ADGRV1: variants seen among roughly 807,000 people sequenced by gnomAD.
The protein encoded by ADGRV1 is G-protein coupled receptor 98.
A neutral mutation model predicts 596.2 loss-of-function variants in ADGRV1; 359 were observed. The observed-to-expected ratio is 0.60, with a 90% confidence interval of 0.55 to 0.66. ADGRV1 has a LOEUF of 0.66. Ranked by LOEUF, ADGRV1 falls within the 30% of genes least tolerant of loss-of-function variation. The pLI is 0.00. For missense variants in ADGRV1, 7,274 were observed against 7,575.6 expected, an observed-to-expected ratio of 0.96 and a Z score of 1.48; for synonymous variants, 2,681 against 2,679.2, an observed-to-expected ratio of 1.00 and a Z score of -0.02.
intron 89 of ADGRV1, among the ~76,000 whole-genome samples, chr5:91,157,040 G>A (rs771998684): frequency 9.9e-5 from 15 of 152,202 alleles, no homozygotes; most frequent in Admixed American, 3.9e-4. Context: ...AGTAATAGCA[G>A]CCCCTTTGGA....
chr5:90,805,235 A>G, intron 71 of ADGRV1, 49 bp from the exon 72 acceptor site: 3 of 1,527,852 alleles, frequency 2.0e-6, no homozygotes, highest in Non-Finnish European at 2.7e-6. Flanking sequence ...CTCAGAAAAC[A>G]GGAAGGTTTA....
intron 83 of ADGRV1, among the ~76,000 whole-genome samples, chr5:90,959,364 G>A (rs73185169): frequency 0.16 from 24,845 of 151,726 alleles, 2,334 homozygotes; most frequent in Non-Finnish European, 0.21. Flanking sequence ...AATAAATGGA[G>A]AAAGACACTG....
intron 79 of ADGRV1, chr5:90,850,923 T>G (rs1375309885): frequency 6.6e-6 from 1 of 152,158 alleles, no homozygotes; most frequent in African/African-American, 2.4e-5. Context: ...GGGAGTAGAA[T>G]GAGTAAATGA....
intron 83 of ADGRV1, among the ~76,000 whole-genome samples, chr5:90,950,923 CAAT>C (rs1777009444): frequency 1.1e-5 from 1 of 91,796 alleles, no homozygotes; most frequent in Non-Finnish European, 3.0e-5. Flanking sequence ...ATTAAAAAAA[CAAT>C]GATGAATATT....
chr5:90,840,220 T>A (rs1456649717), intron 77 of ADGRV1, among the ~76,000 whole-genome samples: 1 of 152,174 alleles, frequency 6.6e-6, no homozygotes, highest in Non-Finnish European at 1.5e-5. Flanking sequence ...AGTGAAAATA[T>A]AAATATTCCT....
intron 85 of ADGRV1, among the ~76,000 whole-genome samples, chr5:91,033,869 C>T (rs764549018): frequency 6.6e-6 from 1 of 152,144 alleles, no homozygotes; most frequent in Admixed American, 6.5e-5. Flanking sequence ...ACCATATTGA[C>T]TTGAAGTTCA....
intron 45 of ADGRV1, among the ~76,000 whole-genome samples, chr5:90,723,545 C>T (rs1580878508): frequency 1.3e-5 from 2 of 152,084 alleles, no homozygotes; most frequent in African/African-American, 4.8e-5. Flanking sequence ...CATTTGTGGT[C>T]GTCTTGAATT....
At chr5:90,845,296 A>T (rs1765771530) in intron 78 of ADGRV1, among the ~76,000 whole-genome samples, 1 of 152,216 alleles carries the variant, frequency 6.6e-6, no homozygotes, top group Non-Finnish European at 1.5e-5. Context: ...CCTTCCTCAC[A>T]GGTTGTTGTG....
chr5:90,720,363 C>G, intron 44 of ADGRV1, 140 bp downstream of exon 44: 1 of 519,690 alleles, frequency 1.9e-6, no homozygotes, highest in East Asian at 3.2e-5. Context: ...AAAGATAGGT[C>G]TAGAGAGACC....
At chr5:90,996,457 G>T (rs1781426280) in intron 85 of ADGRV1, among the ~76,000 whole-genome samples, 1 of 152,172 alleles carries the variant, frequency 6.6e-6, no homozygotes, top group African/African-American at 2.4e-5. Flanking sequence ...GTTGAAGCCT[G>T]GGAGACTCCA....
rs368986672 is a variant in ADGRV1 at position 90,919,039 on chromosome 5, A to G, written c.17857-46376A>G. On this transcript the variant is annotated intron_variant, in intron 83 of 89. Coordinates refer to ENST00000405460, the MANE Select transcript of ADGRV1 (RefSeq NM_032119.4). ...TGTTTTAATTTGCCTGCTAAAGATC[A>G]TCCTCTGGTTTTCTGGCAATACATA... is the stretch of plus-strand genomic sequence containing the variant. Among the ~76,000 whole-genome samples, 5 of 152,330 alleles carry G rather than the reference A, an allele frequency of 3.3e-5. No homozygotes were observed. The East Asian group carries it at 7.7e-4, about 23-fold the overall frequency.
At chr5:90,597,759 GAA>G (rs879749778) in intron 1 of ADGRV1, among the ~76,000 whole-genome samples, 2 of 151,052 alleles carry the variant, frequency 1.3e-5, no homozygotes, top group Admixed American at 1.3e-4. Context: ...AGGAAGAAGA[GAA>G]GAGGAAGATA....
intron 67 of ADGRV1, among the ~76,000 whole-genome samples, chr5:90,787,607 T>C (rs1759599839): frequency 6.7e-6 from 1 of 149,124 alleles, no homozygotes; most frequent in African/African-American, 2.4e-5. Flanking sequence ...TTTTTTTTTT[T>C]TGAGATGGAG....
intron 75 of ADGRV1, among the ~76,000 whole-genome samples, chr5:90,819,903 G>T (rs1763305106): frequency 6.6e-6 from 1 of 152,030 alleles, no homozygotes; most frequent in South Asian, 2.1e-4. Context: ...TTGATTTGGG[G>T]TGGAGAGTTC....
intron 85 of ADGRV1, among the ~76,000 whole-genome samples, chr5:91,061,952 A>G (rs1034388271): frequency 6.6e-6 from 1 of 152,308 alleles, no homozygotes; most frequent in African/African-American, 2.4e-5. Flanking sequence ...AGGTAAATCC[A>G]CAAGAGTTAT....
chr5:90,594,485 C>CT (rs569370594), intron 1 of ADGRV1, among the ~76,000 whole-genome samples: 313 of 108,314 alleles, frequency 2.9e-3, no homozygotes, highest in African/African-American at 6.1e-3. Flanking sequence ...TCTGGCAGTT[C>CT]TTTTTTTTTT....
chr5:90,770,833 T>C (rs574572985), intron 59 of ADGRV1, among the ~76,000 whole-genome samples: 7 of 152,316 alleles, frequency 4.6e-5, no homozygotes, highest in African/African-American at 1.7e-4. Context: ...CAGTTTTTTA[T>C]ATACCCTTTG....
chr5:90,754,122 C>T (rs571740779), intron 54 of ADGRV1, among the ~76,000 whole-genome samples: 1 of 152,192 alleles, frequency 6.6e-6, no homozygotes, highest in South Asian at 2.1e-4. Context: ...TCTTTTTCAT[C>T]ATTCATCTGT....
chr5:91,055,181 T>C (rs16869392), intron 85 of ADGRV1, among the ~76,000 whole-genome samples: 23,178 of 152,110 alleles, frequency 0.15, 2,003 homozygotes, highest in Admixed American at 0.28. Flanking sequence ...TGAGAAATGG[T>C]ATTAGACACT....
Sources: allele counts gnomAD v4.1 joint callset (sites outside exome capture counted in the v4.1 genomes callset), GRCh38; gene constraint gnomAD v4.1.1; transcripts MANE v1.5; gene names NCBI Gene and HGNC (gene_info 2026-07-23, HGNC 2026-07-21).